FLI1: variants seen among roughly 807,000 people sequenced by gnomAD.
FLI1 encodes Fli-1 proto-oncogene, ETS transcription factor.
Under a neutral mutation model 53.1 loss-of-function variants are expected in FLI1, and 13 were observed. The observed-to-expected ratio is 0.24, with a 90% CI of 0.16 to 0.39. The LOEUF is 0.39. Among genes scored for constraint, FLI1 ranks in the 10% least tolerant of loss-of-function variants. The pLI is 1.00. For synonymous variants in FLI1, 244 were observed against 236.7 expected, an observed-to-expected ratio of 1.03 and a Z score of -0.28; for missense variants, 424 against 600.5, an observed-to-expected ratio of 0.71 and a Z score of 3.07.
In FLI1 at chr11:128,810,234, G is replaced by A. The variant is rs921829751; in HGVS notation, c.830-225G>A. Among the ~76,000 whole-genome samples the A allele has an allele frequency of 1.3e-5, 2 of 151,896 alleles. No homozygotes were observed. The highest frequency in any genetic ancestry group is 2.1e-4 in the South Asian group (1 of 4,824). On this transcript the variant is annotated intron_variant, in intron 8 of 8. Coordinates refer to ENST00000527786, the MANE Select transcript of FLI1 (RefSeq NM_002017.5). This position sits in a 1 kb window ranked among gnomAD's most constrained non-coding sequence, Gnocchi z 6.6. ...CACATTCCATTTACCAGGCCTTGGGGCAAAGCATCTTAGGATCTAACCTCG... is the reference window on the plus strand; with the variant it reads ...CACATTCCATTTACCAGGCCTTGGGACAAAGCATCTTAGGATCTAACCTCG...
chr11:128,688,972 G>T (rs1937636211), upstream of FLI1, among the ~76,000 whole-genome samples: 1 of 152,184 alleles, frequency 6.6e-6, no homozygotes, highest in Admixed American at 6.5e-5. Context: ...GATGTGAGGG[G>T]CAGAGCCAAG....
chr11:128,707,453 G>A (rs1591739261), intron 1 of FLI1, among the ~76,000 whole-genome samples: 1 of 152,312 alleles, frequency 6.6e-6, no homozygotes, highest in East Asian at 1.9e-4. Context: ...AGGAGAGGGA[G>A]AAAGAGCAGG....
chr11:128,811,036 T>C lies in FLI1; in HGVS notation c.*48T>C. Reference sequence around the variant, plus strand: ...CTAGCTGAAGCCCATCCTGCACACTTACTGGATGCTTTGGACTCAACAGGA... The same window carrying C: ...CTAGCTGAAGCCCATCCTGCACACTCACTGGATGCTTTGGACTCAACAGGA... On this transcript the variant is annotated 3_prime_UTR_variant, in exon 9 of 9. Coordinates refer to ENST00000527786, the MANE Select transcript of FLI1 (RefSeq NM_002017.5). The C allele has an allele frequency of 1.3e-6, 2 of 1,578,490 alleles. No homozygotes were observed. Among genetic ancestry groups the C allele is most frequent in the South Asian group, 2.2e-5 (2 of 90,352 alleles).
upstream of FLI1, chr11:128,693,751 C>T (rs1006529651): frequency 6.0e-5 from 14 of 233,484 alleles, no homozygotes; most frequent in Middle Eastern, 1.3e-3. Flanking sequence ...TCATTGTTCC[C>T]GGCTAGCTCT....
chr11:128,745,658 A>G (rs1235492485), intron 1 of FLI1, among the ~76,000 whole-genome samples: 1 of 152,210 alleles, frequency 6.6e-6, no homozygotes, highest in African/African-American at 2.4e-5. Context: ...GAGGAAACGA[A>G]ATAAAATGGA....
rs555482377 is a variant in FLI1, at chr11:128,714,216, A to C, written c.18+19940A>C. ...CTCTTCACTGGCCAGAAAAAAAAAA[A>C]AAAAAAAAAACGGCAACTCTTTGGC... On this transcript the variant is annotated intron_variant, in intron 1 of 8. Coordinates refer to ENST00000527786, the MANE Select transcript of FLI1 (RefSeq NM_002017.5). Among the ~76,000 whole-genome samples, 77 of 152,032 alleles carry C rather than the reference A, an allele frequency of 5.1e-4. 1 individual carries two copies. Among genetic ancestry groups the C allele is most frequent in the African/African-American group, 1.6e-3 (68 of 41,500 alleles).
At chr11:128,786,465 T>C (rs1942085486) in intron 5 of FLI1, among the ~76,000 whole-genome samples, 1 of 152,224 alleles carries the variant, frequency 6.6e-6, no homozygotes, top group Non-Finnish European at 1.5e-5. Flanking sequence ...TGACGTGTCC[T>C]CATTCAGTCC....
At chr11:128,700,561 AG>A (rs1283992881) in intron 1 of FLI1, among the ~76,000 whole-genome samples, 1 of 152,192 alleles carries the variant, frequency 6.6e-6, no homozygotes. Context: ...TAGACTACAG[AG>A]GACCTTACAT....
intron 4 of FLI1, among the ~76,000 whole-genome samples, chr11:128,776,859 C>T (rs1262361595): frequency 6.6e-6 from 1 of 152,220 alleles, no homozygotes; most frequent in East Asian, 1.9e-4. Flanking sequence ...AGCAAGCCAG[C>T]CTGCGCCACA....
chr11:128,703,161 G>A (rs1050277207), intron 1 of FLI1, among the ~76,000 whole-genome samples: 2 of 152,246 alleles, frequency 1.3e-5, no homozygotes, highest in African/African-American at 4.8e-5. Flanking sequence ...TAGGAGGACA[G>A]CAGAGACTAA....
At chr11:128,688,547 G>T (rs1406317784) in intron 1 of FLI1, among the ~76,000 whole-genome samples, 1 of 152,204 alleles carries the variant, frequency 6.6e-6, no homozygotes, top group African/African-American at 2.4e-5. Context: ...CTCAGGAGTT[G>T]TTGACAAACA....
At chr11:128,712,135 G>A (rs1447818213) in intron 1 of FLI1, among the ~76,000 whole-genome samples, 1 of 152,188 alleles carries the variant, frequency 6.6e-6, no homozygotes, top group Non-Finnish European at 1.5e-5. Flanking sequence ...GAAGGAATTA[G>A]TGTCATCTCT....
At chr11:128,784,967 T>G (rs1942040980) in intron 5 of FLI1, among the ~76,000 whole-genome samples, 1 of 152,236 alleles carries the variant, frequency 6.6e-6, no homozygotes, top group African/African-American at 2.4e-5. Context: ...TGCTGTCTAT[T>G]AATGTCTTCA....
intron 4 of FLI1, among the ~76,000 whole-genome samples, chr11:128,773,678 T>C (rs944580387): frequency 6.6e-6 from 1 of 151,068 alleles, no homozygotes; most frequent in Non-Finnish European, 1.5e-5. Context: ...GAATTTCATT[T>C]GATATGAAAT....
chr11:128,710,989 A>G (rs1938761737), intron 1 of FLI1, among the ~76,000 whole-genome samples: 1 of 152,268 alleles, frequency 6.6e-6, no homozygotes, highest in Non-Finnish European at 1.5e-5. Flanking sequence ...AAAGATTAAG[A>G]AAACTTTCCT....
At chr11:128,751,019 A>T (rs895078294) in intron 1 of FLI1, among the ~76,000 whole-genome samples, 5 of 152,214 alleles carry the variant, frequency 3.3e-5, no homozygotes, top group African/African-American at 4.8e-5. Flanking sequence ...GCTATGTAAC[A>T]GAGCCTTATC....
intron 5 of FLI1, among the ~76,000 whole-genome samples, chr11:128,787,481 G>A (rs1358422320): frequency 6.6e-6 from 1 of 152,074 alleles, no homozygotes; most frequent in Non-Finnish European, 1.5e-5. Context: ...AACATCTTAA[G>A]GATTCTTTAA....
At chr11:128,747,345 T>C (rs959172612) in intron 1 of FLI1, among the ~76,000 whole-genome samples, 28 of 151,946 alleles carry the variant, frequency 1.8e-4, no homozygotes, top group African/African-American at 6.8e-4. Context: ...CGGAATAGAG[T>C]CCCAGGGAAA....
chr11:128,719,222 C>A (rs1208087461), intron 1 of FLI1, among the ~76,000 whole-genome samples: 1 of 151,308 alleles, frequency 6.6e-6, no homozygotes, highest in Non-Finnish European at 1.5e-5. Flanking sequence ...CTAGCTCTGC[C>A]ATTTCCGGCC....
Sources: allele counts gnomAD v4.1 joint callset (sites outside exome capture counted in the v4.1 genomes callset), GRCh38; gene constraint gnomAD v4.1.1; non-coding constraint Gnocchi (gnomAD v3.1); transcripts MANE v1.5; gene names NCBI Gene and HGNC (gene_info 2026-07-23, HGNC 2026-07-21).